The following HK1 variants were observed in gnomAD, a reference collection of about 807,000 sequenced individuals.
The protein encoded by HK1 is hexokinase 1.
HK1 carries 28 observed loss-of-function variants against 91.6 expected under a neutral mutation model. That is an observed-to-expected ratio of 0.31 (90% confidence interval 0.23 to 0.42). The LOEUF (loss-of-function observed/expected upper bound fraction) is 0.42. Among genes scored for constraint, HK1 ranks in the 10% least tolerant of loss-of-function variants. HK1 has a pLI of 1.00. For missense variants in HK1, 770 were observed against 1,219.8 expected (o/e 0.63, Z 5.49); for synonymous variants, 430 against 468.1 (o/e 0.92, Z 1.05).
chr10:69,317,494 C>A (rs1367031912), upstream of HK1, among the ~76,000 whole-genome samples: 1 of 152,138 alleles, frequency 6.6e-6, no homozygotes, highest in East Asian at 1.9e-4. Flanking sequence ...TTGACTGTAC[C>A]TTTGCTAGGC....
At chr10:69,341,337 T>A (rs990651816) in intron 1 of HK1, among the ~76,000 whole-genome samples, 1 of 151,672 alleles carries the variant, frequency 6.6e-6, no homozygotes, top group African/African-American at 2.4e-5. Context: ...AATTTTTGTA[T>A]TTTTTTAGAG....
intron 4 of HK1, among the ~76,000 whole-genome samples, chr10:69,367,385 A>C (rs1015005908): frequency 6.6e-6 from 1 of 152,184 alleles, no homozygotes; most frequent in Non-Finnish European, 1.5e-5. Context: ...AGTGAACCTC[A>C]GAGGAGTGAA....
intron 4 of HK1, among the ~76,000 whole-genome samples, chr10:69,299,653 C>T (rs1463686412): frequency 6.7e-6 from 1 of 148,688 alleles, no homozygotes; most frequent in Non-Finnish European, 1.5e-5. Context: ...CGTGAGCCAC[C>T]GCGCCCAGCT....
intron 2 of HK1, among the ~76,000 whole-genome samples, chr10:69,355,377 G>A (rs548697657): frequency 7.2e-5 from 11 of 152,198 alleles, no homozygotes; most frequent in Non-Finnish European, 1.6e-4. Context: ...GAAGAACAAA[G>A]CTGAAGGAAT....
In HK1 at chr10:69,288,655, CTTGG is replaced by C; in HGVS notation, c.-214-15_-214-12del. 3.3e-6 allele frequency: 4 copies of C among 1,203,168 alleles called. No homozygotes were observed. In the South Asian group the frequency reaches 4.8e-5, roughly 15 times the overall value. The allele number at this position is 1,203,168 out of a possible 1,614,324, so 74.5% of individuals were successfully genotyped here. A position where few individuals can be genotyped will look rare whatever the true frequency, so the allele number is the denominator to read the frequency against. On this transcript the variant is annotated splice_polypyrimidine_tract_variant and intron_variant, in intron 2 of 21. Transcript: ENST00000360289. ...ATCCTCTGACCCTGCCTTCTTTGAACTTGGCCTTTCTCTAGGCGTTCAAGACCCA... is the reference window on the plus strand; with the variant it reads ...ATCCTCTGACCCTGCCTTCTTTGAACCCTTTCTCTAGGCGTTCAAGACCCA...
At chr10:69,276,096 A>G in intron 1 of HK1, among the ~76,000 whole-genome samples, 1 of 36,962 alleles carries the variant, frequency 2.7e-5, no homozygotes, top group East Asian at 1.4e-3. Context: ...TTTTCAAAAA[A>G]AAAAAAAAAA....
intron 12 of HK1, among the ~76,000 whole-genome samples, chr10:69,385,762 C>A (rs115133917): frequency 6.6e-6 from 1 of 152,248 alleles, no homozygotes; most frequent in African/African-American, 2.4e-5. Flanking sequence ...CTTCTGAAAC[C>A]CTTTTAGAGC....
intron 1 of HK1, among the ~76,000 whole-genome samples, chr10:69,334,159 G>A (rs999807578): frequency 2.0e-5 from 3 of 152,084 alleles, no homozygotes; most frequent in Non-Finnish European, 4.4e-5. Flanking sequence ...TTTGTTGTGC[G>A]TAAACAGAGT....
intron 1 of HK1, among the ~76,000 whole-genome samples, chr10:69,327,670 C>T (rs774708205): frequency 2.3e-4 from 35 of 152,150 alleles, no homozygotes; most frequent in Non-Finnish European, 4.6e-4. Flanking sequence ...GTGGTCATGC[C>T]AGTTCACACT....
chr10:69,318,781 G>C, upstream of HK1: 1 of 1,321,256 alleles, frequency 7.6e-7, no homozygotes, highest in East Asian at 3.1e-5. Context: ...CGGGAGCGCG[G>C]AGACCGGGAG....
At chr10:69,296,766 ATGGGAC>A (rs945539661) in intron 4 of HK1, among the ~76,000 whole-genome samples, 8 of 152,180 alleles carry the variant, frequency 5.3e-5, no homozygotes, top group Non-Finnish European at 1.2e-4. Flanking sequence ...AGGAGGTTGG[ATGGGAC>A]TGGGATTGGT....
chr10:69,276,317 G>A lies in HK1; in HGVS notation c.-391+6209G>A, dbSNP rs951039679. ...AATGTGGATTTGTCAGAGTATTTCTGTAGGTCTAACAATTCTTGCTTTAAT... is the reference window on the plus strand; with the variant it reads ...AATGTGGATTTGTCAGAGTATTTCTATAGGTCTAACAATTCTTGCTTTAAT... On this transcript the variant is annotated intron_variant, in intron 1 of 21. Transcript: ENST00000360289. Among the ~76,000 whole-genome samples, 2 of 151,530 alleles carry A rather than the reference G, an allele frequency of 1.3e-5. 1 individual carries two copies. The highest frequency in any genetic ancestry group is 1.3e-4 in the Admixed American group (2 of 15,146).
At chr10:69,290,488 CGTTT>C (rs1564756492) in intron 3 of HK1, among the ~76,000 whole-genome samples, 1 of 151,934 alleles carries the variant, frequency 6.6e-6, no homozygotes, top group African/African-American at 2.4e-5. Context: ...CAGGGTTTTT[CGTTT>C]GTTTGTTTGT....
chr10:69,371,196 G>T (rs769572507), intron 7 of HK1, among the ~76,000 whole-genome samples: 18 of 152,144 alleles, frequency 1.2e-4, no homozygotes, highest in Non-Finnish European at 1.6e-4. Flanking sequence ...CTCAGTGAGG[G>T]AATTCCCAAG....
intron 1 of HK1, among the ~76,000 whole-genome samples, chr10:69,276,729 CAT>C (rs1012542027): frequency 5.9e-4 from 89 of 149,662 alleles, no homozygotes; most frequent in African/African-American, 2.1e-3. Flanking sequence ...TATTAATTAA[CAT>C]AATAATTAAA....
chr10:69,344,819 C>T (rs902899068), intron 2 of HK1, among the ~76,000 whole-genome samples: 1 of 149,036 alleles, frequency 6.7e-6, no homozygotes, highest in Non-Finnish European at 1.5e-5. Context: ...GCGTGGCGCC[C>T]TCACAGGAAT....
intron 1 of HK1, among the ~76,000 whole-genome samples, chr10:69,274,320 A>T (rs1844330506): frequency 6.6e-6 from 1 of 152,068 alleles, no homozygotes; most frequent in African/African-American, 2.4e-5. Flanking sequence ...ACTTTTGCCC[A>T]GGCGCAGTGG....
In HK1 at chr10:69,398,622, G is replaced by C. The variant is rs751845366; in HGVS notation, c.2403G>C (p.Arg801=). The C allele has an allele frequency of 1.8e-5, 29 of 1,613,812 alleles. No homozygotes were observed. In the African/African-American group the frequency reaches 3.7e-4, roughly 21 times the overall value. The change falls in exon 17 of 18, where the codon CGG becomes CGC. Residue 801 remains arginine (R), a synonymous_variant. Coordinates refer to ENST00000359426, the MANE Select transcript of HK1 (RefSeq NM_000188.3). ...ACCGATTAGCACTGCTCCAGGTCCG[G>C]GCTATCCTCCAGCAGCTAGGTCTGA... ...ESDRLALLQV[R]AILQQLGLNS...
intron 5 of HK1, among the ~76,000 whole-genome samples, chr10:69,306,467 A>G (rs1324070044): frequency 6.6e-6 from 1 of 152,224 alleles, no homozygotes; most frequent in Non-Finnish European, 1.5e-5. Context: ...AAGGGTAGAT[A>G]AAAGAGACAA....
Sources: gnomAD v4.1 joint callset for allele counts (sites outside exome capture counted in the v4.1 genomes callset) on GRCh38, gnomAD v4.1.1 for gene constraint, MANE v1.5 for transcripts, NCBI Gene and HGNC (gene_info 2026-07-23, HGNC 2026-07-21) for gene names.